SRGAP3: variants seen among roughly 807,000 people sequenced by gnomAD.
SRGAP3 encodes the protein SLIT-ROBO Rho GTPase-activating protein 3.
Under a neutral mutation model 121.1 loss-of-function variants are expected in SRGAP3, and 39 were observed. That is an observed-to-expected ratio of 0.32 (90% CI 0.25 to 0.42). The LOEUF is 0.42. Among genes scored for constraint, SRGAP3 ranks in the 10% least tolerant of loss-of-function variants. SRGAP3 has a pLI of 1.00. For synonymous variants in SRGAP3, 601 were observed against 570.0 expected, an observed-to-expected ratio of 1.05 and a Z score of -0.77; for missense variants, 1,213 against 1,470.6, an observed-to-expected ratio of 0.82 and a Z score of 2.86.
chr3:9,277,861 G>C (rs1171519277), intron 3 of SRGAP3, among the ~76,000 whole-genome samples: 1 of 152,160 alleles, frequency 6.6e-6, no homozygotes, highest in African/African-American at 2.4e-5. Flanking sequence ...CTAATAAGAT[G>C]ATAGTATTAG....
chr3:9,228,307 T>C (rs1312881776), intron 1 of SRGAP3, among the ~76,000 whole-genome samples: 1 of 152,224 alleles, frequency 6.6e-6, no homozygotes, highest in Non-Finnish European at 1.5e-5. Flanking sequence ...CGCCAGATCA[T>C]GCAATTTGCT....
chr3:9,356,287 G>C (rs2030502577), intron 1 of SRGAP3, among the ~76,000 whole-genome samples: 1 of 145,550 alleles, frequency 6.9e-6, no homozygotes, highest in Admixed American at 6.9e-5. Flanking sequence ...CACCTCCCAG[G>C]CTCAAGCAAT....
chr3:9,193,159 A>G (rs1951811093), intron 1 of SRGAP3: 1 of 152,194 alleles, frequency 6.6e-6, no homozygotes, highest in Non-Finnish European at 1.5e-5. Flanking sequence ...AATTGGAGGG[A>G]TGATGAAGTC....
chr3:9,034,163 A>G (rs1270940602), intron 11 of SRGAP3: 2 of 152,152 alleles, frequency 1.3e-5, no homozygotes, highest in African/African-American at 4.8e-5. Flanking sequence ...TCATTTCACC[A>G]CACAAGTTGG....
At chr3:9,173,942 C>G (rs1276076224) in intron 1 of SRGAP3, among the ~76,000 whole-genome samples, 2 of 152,136 alleles carry the variant, frequency 1.3e-5, no homozygotes, top group Non-Finnish European at 2.9e-5. Flanking sequence ...TCAAAAAGCA[C>G]TTATTGGTAC....
intron 1 of SRGAP3, among the ~76,000 whole-genome samples, chr3:9,195,828 C>G (rs909691341): frequency 6.6e-6 from 1 of 151,974 alleles, no homozygotes; most frequent in African/African-American, 2.4e-5. Flanking sequence ...TGCTGGTGTG[C>G]GCCTGCAGTC....
At chr3:9,272,913 T>A (rs568332803) in intron 3 of SRGAP3, among the ~76,000 whole-genome samples, 1 of 152,246 alleles carries the variant, frequency 6.6e-6, no homozygotes, top group South Asian at 2.1e-4. Context: ...TCACTAACAC[T>A]TATTATTTTG....
chr3:9,203,461 A>G (rs1952138741), intron 1 of SRGAP3, among the ~76,000 whole-genome samples: 1 of 152,226 alleles, frequency 6.6e-6, no homozygotes. Flanking sequence ...ATTAACTGAG[A>G]ACCGACCACA....
At chr3:9,135,749 C>G (rs1575125626) in intron 1 of SRGAP3, among the ~76,000 whole-genome samples, 2 of 152,230 alleles carry the variant, frequency 1.3e-5, no homozygotes, top group East Asian at 3.8e-4. Context: ...AGCATCTATA[C>G]AGAGGTGGCA....
chr3:9,176,392 C>A (rs1028561712), intron 1 of SRGAP3, among the ~76,000 whole-genome samples: 2 of 152,156 alleles, frequency 1.3e-5, no homozygotes, highest in Non-Finnish European at 2.9e-5. Flanking sequence ...CACTAATGAT[C>A]ATAAGAAATA....
At chr3:9,226,823 C>T (rs1154399) in intron 1 of SRGAP3, among the ~76,000 whole-genome samples, 7,049 of 152,232 alleles carry the variant, frequency 0.046, 213 homozygotes, top group South Asian at 0.099. Context: ...CCATCTCTGC[C>T]CCTCAAATTG....
At chr3:9,114,503 C>T (rs1270420129) in intron 2 of SRGAP3, among the ~76,000 whole-genome samples, 1 of 152,192 alleles carries the variant, frequency 6.6e-6, no homozygotes, top group Non-Finnish European at 1.5e-5. Flanking sequence ...CCCTGTGACT[C>T]CCCCTTCATC....
chr3:9,083,225 C>A (rs1227248625), intron 3 of SRGAP3, among the ~76,000 whole-genome samples: 1 of 152,168 alleles, frequency 6.6e-6, no homozygotes, highest in African/African-American at 2.4e-5. Context: ...CTCAAACTCC[C>A]CAACACCTTT....
intron 4 of SRGAP3, among the ~76,000 whole-genome samples, chr3:9,069,792 C>T (rs1019495776): frequency 3.3e-5 from 5 of 152,066 alleles, no homozygotes; most frequent in Non-Finnish European, 1.5e-5. Context: ...ACTAAAAATA[C>T]AAAAATCAGC....
intron 1 of SRGAP3, among the ~76,000 whole-genome samples, chr3:9,172,331 G>A (rs1222293655): frequency 6.6e-6 from 1 of 151,882 alleles, no homozygotes; most frequent in African/African-American, 2.4e-5. Flanking sequence ...TTGAACTCCT[G>A]GACTCAAGTG....
intron 1 of SRGAP3, among the ~76,000 whole-genome samples, chr3:9,177,972 G>T (rs912798382): frequency 6.6e-6 from 1 of 152,152 alleles, no homozygotes; most frequent in Non-Finnish European, 1.5e-5. Flanking sequence ...TATGCCTGAA[G>T]AAGGTAAGCC....
In SRGAP3 at chr3:8,985,436, T is replaced by C; in HGVS notation, c.*83A>G. On this transcript the variant is annotated 3_prime_UTR_variant, in exon 22 of 22. Coordinates refer to ENST00000383836, the MANE Select transcript of SRGAP3 (RefSeq NM_014850.4). The surrounding 1 kb of genome is among the most constrained non-coding windows in gnomAD (Gnocchi z 5.1). ...CTCTGCCCTCCAAGGCCAGGGTCAC[T>C]GGGAAGCACGTGGAAGCCACCAAGG... is the stretch of plus-strand genomic sequence containing the variant. 1 of 1,579,736 alleles carries C rather than the reference T, an allele frequency of 6.3e-7. No individual in the cohort carries two copies. Among genetic ancestry groups the C allele is most frequent in the Non-Finnish European group, 8.5e-7 (1 of 1,170,324 alleles).
intron 1 of SRGAP3, among the ~76,000 whole-genome samples, chr3:9,198,629 A>G (rs920373433): frequency 6.6e-6 from 1 of 152,204 alleles, no homozygotes; most frequent in Non-Finnish European, 1.5e-5. Context: ...CCACTGTTTA[A>G]TTGTAAGCTC....
chr3:9,160,153 T>G (rs917937700), intron 1 of SRGAP3, among the ~76,000 whole-genome samples: 1 of 152,218 alleles, frequency 6.6e-6, no homozygotes, highest in African/African-American at 2.4e-5. Flanking sequence ...AGGGTTATGG[T>G]GCAGATTAAA....
Sources: allele counts gnomAD v4.1 joint callset (sites outside exome capture counted in the v4.1 genomes callset), GRCh38; gene constraint gnomAD v4.1.1; non-coding constraint Gnocchi (gnomAD v3.1); transcripts MANE v1.5; gene names NCBI Gene and HGNC (gene_info 2026-07-23, HGNC 2026-07-21).